EDN1: variants seen among roughly 807,000 people sequenced by gnomAD.
EDN1 encodes the protein endothelin 1, also known as endothelin-1.
A neutral mutation model predicts 21.7 loss-of-function variants in EDN1; 11 were observed. That is an observed-to-expected ratio of 0.51 (90% confidence interval 0.32 to 0.84). The LOEUF (loss-of-function observed/expected upper bound fraction) is 0.84, where lower values mean the gene tolerates loss of function less well. EDN1 is among the 40% of genes least tolerant of loss of function. The pLI is 0.03. For synonymous variants in EDN1, 85 were observed against 90.6 expected (o/e 0.94, Z 0.35); for missense variants, 244 against 262.3 (o/e 0.93, Z 0.48).
the EDN1 span, among the ~76,000 whole-genome samples, chr6:12,278,685 A>G: frequency 6.6e-6 from 1 of 152,148 alleles, no homozygotes; most frequent in Non-Finnish European, 1.5e-5. Context: ...TGAGGTCAGG[A>G]GTTCGAGACC....
chr6:12,273,684 T>C, the EDN1 span, among the ~76,000 whole-genome samples: 1 of 145,614 alleles, frequency 6.9e-6, no homozygotes, highest in Admixed American at 7.1e-5. Context: ...AATCCACAGA[T>C]GTCTGAAGTG....
chr6:12,249,983 T>A, the EDN1 span, among the ~76,000 whole-genome samples: 1 of 152,124 alleles, frequency 6.6e-6, no homozygotes. Context: ...TTGAAACAAC[T>A]TTTTGAACAC....
chr6:12,289,477 T>C (rs1762621007), upstream of EDN1, among the ~76,000 whole-genome samples: 2 of 152,254 alleles, frequency 1.3e-5, no homozygotes, highest in East Asian at 1.9e-4. Flanking sequence ...GTTTTCCTTT[T>C]TGTCCTAGTA....
In EDN1 at chr6:12,290,465, C is replaced by G. The variant is rs1443757983; in HGVS notation, c.-165C>G. The stretch of plus-strand genomic sequence containing the variant: ...GCAGACGCTCCGCTCGCTGCCTTCT[C>G]TCCTGGCAGGCGCTGCCTTTTCTCC... On this transcript the variant is annotated 5_prime_UTR_variant, in exon 1 of 5. Coordinates refer to ENST00000379375, the MANE Select transcript of EDN1 (RefSeq NM_001955.5). The G allele has an allele frequency of 9.2e-6, 6 of 652,346 alleles. No individual in the cohort carries two copies. In the East Asian group the frequency reaches 1.7e-4, roughly 18 times the overall value. 40.4% of individuals were successfully genotyped at this position (652,346 alleles called of 1,614,324 possible). A position where few individuals can be genotyped will look rare whatever the true frequency, so the allele number is the denominator to read the frequency against.
chr6:12,234,574 T>G, the EDN1 span, among the ~76,000 whole-genome samples: 1 of 152,212 alleles, frequency 6.6e-6, no homozygotes. Context: ...AAGTCAAGTC[T>G]TTCTGAAGCA....
chr6:12,250,574 G>C, the EDN1 span, among the ~76,000 whole-genome samples: 1 of 152,204 alleles, frequency 6.6e-6, no homozygotes, highest in African/African-American at 2.4e-5. Flanking sequence ...AAAATTCCAT[G>C]TTGCATAATC....
the EDN1 span, among the ~76,000 whole-genome samples, chr6:12,262,058 T>C: frequency 1.3e-5 from 2 of 152,192 alleles, no homozygotes; most frequent in Non-Finnish European, 2.9e-5. Context: ...CTAGGGAAGA[T>C]ACCTCCACAA....
chr6:12,292,296 C>T lies in EDN1; in HGVS notation c.65-45C>T, dbSNP rs200758007. ...TACTGTGATCCAGCATGTCTCTCGGCGTTTGAGGAGACATCCCCCACTGAC... is the reference window on the plus strand; with the variant it reads ...TACTGTGATCCAGCATGTCTCTCGGTGTTTGAGGAGACATCCCCCACTGAC... On this transcript the variant is annotated intron_variant, in intron 1 of 4. Coordinates refer to ENST00000379375, the MANE Select transcript of EDN1 (RefSeq NM_001955.5). 670 of 1,609,226 alleles carry T rather than the reference C, an allele frequency of 4.2e-4. 4 individuals carry two copies. The African/African-American group carries it at 6.2e-3, about 15-fold the overall frequency.
chr6:12,261,874 G>GCT, the EDN1 span, among the ~76,000 whole-genome samples: 176 of 152,306 alleles, frequency 1.2e-3, no homozygotes, highest in Non-Finnish European at 2.1e-3. Context: ...AGGTCAGGCT[G>GCT]CTCTCAATGG....
the EDN1 span, among the ~76,000 whole-genome samples, chr6:12,264,005 T>G: frequency 1.4e-3 from 211 of 152,332 alleles, 1 homozygote; most frequent in African/African-American, 4.9e-3. Flanking sequence ...AGAAAAAAAT[T>G]TCATTCTACC....
the EDN1 span, among the ~76,000 whole-genome samples, chr6:12,232,893 T>A: frequency 6.6e-6 from 1 of 152,186 alleles, no homozygotes; most frequent in African/African-American, 2.4e-5. Flanking sequence ...AAACTTTCTT[T>A]TATTTTTCTG....
chr6:12,279,832 CA>C, the EDN1 span, among the ~76,000 whole-genome samples: 3,980 of 152,122 alleles, frequency 0.026, 163 homozygotes, highest in African/African-American at 0.086. Flanking sequence ...TAGAGATTAC[CA>C]AAAGTAGATT....
the EDN1 span, among the ~76,000 whole-genome samples, chr6:12,241,646 TG>T: frequency 6.6e-6 from 1 of 152,218 alleles, no homozygotes; most frequent in African/African-American, 2.4e-5. Flanking sequence ...AATACATAAT[TG>T]CTCACCTTTG....
the EDN1 span, among the ~76,000 whole-genome samples, chr6:12,242,448 T>C: frequency 1.3e-5 from 2 of 152,306 alleles, no homozygotes; most frequent in Non-Finnish European, 2.9e-5. Context: ...TTTGTGACTG[T>C]GTAGCCCTGG....
chr6:12,276,316 T>A, the EDN1 span, among the ~76,000 whole-genome samples: 1 of 152,224 alleles, frequency 6.6e-6, no homozygotes, highest in Non-Finnish European at 1.5e-5. Context: ...ACGATGTGAC[T>A]GTTAGTGCAA....
the EDN1 span, among the ~76,000 whole-genome samples, chr6:12,249,286 C>G: frequency 2.8e-3 from 424 of 152,176 alleles, 2 homozygotes; most frequent in African/African-American, 9.9e-3. Flanking sequence ...TGAGATTCAA[C>G]TGTTGCTTTG....
Position 12,292,451 on chromosome 6 carries a change from A to G in EDN1, c.175A>G (p.Met59Val). The stretch of plus-strand genomic sequence containing the variant: ...CAAGCGCTGCTCCTGCTCGTCCCTG[A>G]TGGATAAAGAGTGTGTCTACTTCTG... ...RSKRCSCSSL[M>V]DKECVYFCHL... The change falls in exon 2 of 5, where the codon ATG (methionine) becomes GTG (valine). Residue 59 changes from methionine (M) to valine (V), a missense_variant. By Grantham distance (21) the Met-to-Val change is conservative (BLOSUM62 1). Coordinates refer to ENST00000379375, the MANE Select transcript of EDN1 (RefSeq NM_001955.5). The G allele has an allele frequency of 1.2e-6, 2 of 1,614,186 alleles. No individual in the cohort carries two copies. Among genetic ancestry groups the G allele is most frequent in the Non-Finnish European group, 1.7e-6 (2 of 1,180,032 alleles).
chr6:12,293,596 C>A (rs1180453814), intron 2 of EDN1, among the ~76,000 whole-genome samples: 2 of 152,120 alleles, frequency 1.3e-5, no homozygotes, highest in African/African-American at 4.8e-5. Flanking sequence ...ACTAAATAGA[C>A]CATTAGAAAA....
intron 2 of EDN1, among the ~76,000 whole-genome samples, chr6:12,293,477 C>T (rs1762738442): frequency 6.6e-6 from 1 of 152,130 alleles, no homozygotes; most frequent in Non-Finnish European, 1.5e-5. Context: ...GTGACGGTGG[C>T]ACTTTTAGCA....
Sources: gnomAD v4.1 joint callset for allele counts (sites outside exome capture counted in the v4.1 genomes callset) on GRCh38, gnomAD v4.1.1 for gene constraint, MANE v1.5 for transcripts, NCBI Gene and HGNC (gene_info 2026-07-23, HGNC 2026-07-21) for gene names.